The following TOMM40 variants were observed in gnomAD, a reference collection of about 807,000 sequenced individuals.
The protein encoded by TOMM40 is mitochondrial import receptor subunit TOM40 homolog.
Under a neutral mutation model 38.4 loss-of-function variants are expected in TOMM40, and 9 were observed. The observed-to-expected ratio is 0.23, with a 90% confidence interval of 0.14 to 0.41. The LOEUF (loss-of-function observed/expected upper bound fraction) is 0.41. Ranked by LOEUF, TOMM40 falls within the 10% of genes least tolerant of loss-of-function variation. The pLI is 1.00. For missense variants in TOMM40, 299 were observed against 486.5 expected, an observed-to-expected ratio of 0.61 and a Z score of 3.63; for synonymous variants, 184 against 210.0, an observed-to-expected ratio of 0.88 and a Z score of 1.07.
chr19:44,893,925 G>A, intron 4 of TOMM40, 36 bp from the exon 5 acceptor site: 2 of 1,603,342 alleles, frequency 1.2e-6, no homozygotes, highest in Middle Eastern at 2.1e-4. Context: ...GCCACCGTGA[G>A]CAGGGAGCCG....
chr19:44,892,359 T>G (rs1447680606), intron 1 of TOMM40, 34 bp from the exon 2 acceptor site: 1 of 1,605,948 alleles, frequency 6.2e-7, no homozygotes, highest in African/African-American at 1.3e-5. Flanking sequence ...GGTGTGGGGT[T>G]GGAGTGGAGT....
intron 5 of TOMM40, 54 bp downstream of exon 5, chr19:44,894,120 C>T (rs1568606851): frequency 7.4e-7 from 1 of 1,354,058 alleles, no homozygotes; most frequent in East Asian, 2.5e-5. Flanking sequence ...CTGGCTTTGC[C>T]AGCAAATCCA....
chr19:44,893,170 C>G (rs530250383), intron 3 of TOMM40, among the ~76,000 whole-genome samples: 1 of 152,186 alleles, frequency 6.6e-6, no homozygotes, highest in African/African-American at 2.4e-5. Flanking sequence ...CCACAGCCAC[C>G]CTGTCACCAG....
At position 44,900,737 on chromosome 19, in the gene TOMM40, C is replaced by T. The variant is rs769169860; in HGVS notation, c.651C>T (p.Leu217=). 7 of 1,612,314 alleles carry T rather than the reference C, an allele frequency of 4.3e-6. No homozygotes were observed. In the Admixed American group the frequency reaches 5.0e-5, roughly 12 times the overall value. The change falls in exon 6 of 9, where the codon CTC becomes CTT. Residue 217 remains leucine, a synonymous_variant. Coordinates refer to ENST00000426677, the MANE Select transcript of TOMM40 (RefSeq NM_001128917.2). ...TCGTCATTTTGCCCACAGGAATCCT[C>T]GTAGCCCACTACCTCCAGAGCATCA... The part of the protein sequence containing the change: ...NPDVLVGSGI[L]VAHYLQSITP...
intron 5 of TOMM40, among the ~76,000 whole-genome samples, chr19:44,895,130 G>T (rs1016863269): frequency 7.9e-5 from 12 of 152,216 alleles, no homozygotes; most frequent in African/African-American, 2.9e-4. Context: ...TGAGCGCTGA[G>T]TCCTGAGTGA....
At chr19:44,897,924 G>A (rs755920591) in intron 5 of TOMM40, among the ~76,000 whole-genome samples, 72 of 151,998 alleles carry the variant, frequency 4.7e-4, no homozygotes, top group Non-Finnish European at 8.4e-4. Flanking sequence ...TGCCCCGCCC[G>A]TGTGATGGTG....
chr19:44,892,401 C>G lies in TOMM40; in HGVS notation c.283C>G (p.Pro95Ala). The G allele has an allele frequency of 6.2e-7, 1 of 1,613,714 alleles. No individual in the cohort carries two copies. Among genetic ancestry groups the G allele is most frequent in the Non-Finnish European group, 8.5e-7 (1 of 1,180,004 alleles). The change falls in exon 2 of 9, where the codon CCC becomes GCC. Residue 95 changes from proline to alanine, a missense_variant. Transcript: ENST00000426677. ...GCGTTTCTCTTCTCCAGAGCTGTTT[C>G]CCATTCAGATGGAGGGTGTCAAGCT... ...ECHRKCKELF[P>A]IQMEGVKLTV... is the part of the protein sequence containing the mutation.
intron 3 of TOMM40, 139 bp from the exon 4 acceptor site, chr19:44,893,641 C>A: frequency 3.0e-6 from 2 of 659,554 alleles, no homozygotes; most frequent in Non-Finnish European, 5.1e-6. Context: ...CCTAACTCAG[C>A]TTAGGTGGTC....
At chr19:44,902,830 C>A in intron 8 of TOMM40, 200 bp from the exon 9 acceptor site, 1 of 608,196 alleles carries the variant, frequency 1.6e-6, no homozygotes, top group Non-Finnish European at 2.7e-6. Flanking sequence ...GGGCAGGGGT[C>A]ACTGAGCGGA....
chr19:44,900,170 G>T (rs534460610), intron 5 of TOMM40, among the ~76,000 whole-genome samples: 1 of 152,150 alleles, frequency 6.6e-6, no homozygotes, highest in African/African-American at 2.4e-5. Flanking sequence ...TTGGACCTCA[G>T]TGCAGCAAGT....
intron 1 of TOMM40, 135 bp from the exon 2 acceptor site, chr19:44,892,250 GGCTGTACT>G: frequency 1.2e-6 from 1 of 829,012 alleles, no homozygotes; most frequent in Non-Finnish European, 2.0e-6. Flanking sequence ...TGTCTAACTA[GGCTGTACT>G]GCCTCTTTAC....
chr19:44,902,947 T>G, intron 8 of TOMM40, 83 bp from the exon 9 acceptor site: 6 of 1,534,930 alleles, frequency 3.9e-6, no homozygotes, highest in Non-Finnish European at 5.3e-6. Context: ...TGTCGGCATG[T>G]GGCTGGTATC....
intron 8 of TOMM40, chr19:44,901,659 C>A: frequency 2.5e-6 from 1 of 406,934 alleles, no homozygotes; most frequent in Non-Finnish European, 4.4e-6. Context: ...ATGGTATGAA[C>A]CCAGGAGGCG....
chr19:44,901,175 G>C, intron 7 of TOMM40, 33 bp from the exon 8 acceptor site: 2 of 1,613,782 alleles, frequency 1.2e-6, no homozygotes, highest in Non-Finnish European at 1.7e-6. Flanking sequence ...GGGGCCACTT[G>C]CTAATTCTCA....
Position 44,903,255 on chromosome 19 carries a change from C to A in TOMM40, c.*86C>A, listed in dbSNP as rs1450204457. ...GCCACAGAGGGGAGACCTGAGCCCCCCTCCCTTCCCTCCCCCCTTGGGGGT... is the reference window on the plus strand; with the variant it reads ...GCCACAGAGGGGAGACCTGAGCCCCACTCCCTTCCCTCCCCCCTTGGGGGT... On this transcript the variant is annotated 3_prime_UTR_variant, in exon 9 of 9. Coordinates refer to ENST00000426677, the MANE Select transcript of TOMM40 (RefSeq NM_001128917.2). 2.2e-6 allele frequency: 3 copies of A among 1,351,246 alleles called. No homozygotes were observed. The highest frequency in any genetic ancestry group is 2.0e-6 in the Non-Finnish European group (2 of 1,004,228). The allele number at this position is 1,351,246 out of a possible 1,614,324, so 83.7% of individuals were successfully genotyped here.
chr19:44,903,483 T>C lies in TOMM40; in HGVS notation c.*314T>C, dbSNP rs112217108. ...GCGGCCAGACAACCTCAGGGAGGAG[T>C]GTCCTGGCGTCCCCATCCTCCAAAG... On this transcript the variant is annotated 3_prime_UTR_variant, in exon 9 of 9. Transcript: ENST00000426677. 28 of 281,924 alleles carry C rather than the reference T, an allele frequency of 9.9e-5. No homozygotes were observed. Among genetic ancestry groups the C allele is most frequent in the African/African-American group, 6.4e-4 (28 of 43,834 alleles). The allele number at this position is 281,924 out of a possible 1,614,324, so 17.5% of individuals were successfully genotyped here. A position where few individuals can be genotyped will look rare whatever the true frequency, so the allele number is the denominator to read the frequency against.
chr19:44,903,333 G>A lies in TOMM40; in HGVS notation c.*164G>A. 1 of 724,350 alleles carries A rather than the reference G, an allele frequency of 1.4e-6. No homozygotes were observed. The highest frequency in any genetic ancestry group is 4.1e-4 in the Middle Eastern group (1 of 2,450). The allele number at this position is 724,350 out of a possible 1,614,324, so 44.9% of individuals were successfully genotyped here. A position where few individuals can be genotyped will look rare whatever the true frequency, so the allele number is the denominator to read the frequency against. ...CCGCCACCCCAGCAGCTGAGGAGGG[G>A]ATTCTGGAACTGAATGGCGCTTCGG... On this transcript the variant is annotated 3_prime_UTR_variant, in exon 9 of 9. Coordinates refer to ENST00000426677, the MANE Select transcript of TOMM40 (RefSeq NM_001128917.2).
At chr19:44,900,925 G>C (rs1969668141) in intron 6 of TOMM40, 73 bp downstream of exon 6, 1 of 1,609,522 alleles carries the variant, frequency 6.2e-7, no homozygotes, top group South Asian at 1.1e-5. Context: ...AGGGAGGACG[G>C]GCTAGGGCCC....
intron 5 of TOMM40, among the ~76,000 whole-genome samples, chr19:44,894,719 C>T (rs949157473): frequency 2.6e-5 from 4 of 152,218 alleles, no homozygotes; most frequent in Non-Finnish European, 5.9e-5. Context: ...TGAGCCACCT[C>T]GCCTGGCCAG....
Sources: gnomAD v4.1 joint callset for allele counts (sites outside exome capture counted in the v4.1 genomes callset) on GRCh38, gnomAD v4.1.1 for gene constraint, MANE v1.5 for transcripts, NCBI Gene and HGNC (gene_info 2026-07-23, HGNC 2026-07-21) for gene names.